The following IQCJ variants were observed in gnomAD, a reference collection of about 807,000 sequenced individuals.
IQCJ encodes IQ motif containing J.
In IQCJ, 9 loss-of-function variants were observed where a neutral mutation model predicts 11.0. That is an observed-to-expected ratio of 0.82 (90% CI 0.49 to 1.43). IQCJ has a LOEUF of 1.43. Among genes scored for constraint, IQCJ ranks in the 40% most tolerant of loss-of-function variants. IQCJ has a pLI of 0.00. For synonymous variants in IQCJ, 55 were observed against 51.3 expected, an observed-to-expected ratio of 1.07 and a Z score of -0.31; for missense variants, 146 against 133.2, an observed-to-expected ratio of 1.10 and a Z score of -0.47.
intron 1 of IQCJ, among the ~76,000 whole-genome samples, chr3:159,129,539 A>G (rs9852361): frequency 0.67 from 102,180 of 151,936 alleles, 34,530 homozygotes; most frequent in East Asian, 0.71. Flanking sequence ...AGCTCAAAAA[A>G]GCCAAATTTC....
intron 3 of IQCJ, among the ~76,000 whole-genome samples, chr3:159,258,191 T>A (rs1728001612): frequency 6.6e-6 from 1 of 152,182 alleles, no homozygotes. Context: ...AAGTGGCCAC[T>A]GCCAGCTCTA....
chr3:159,139,911 A>T lies in IQCJ; in HGVS notation c.9+70470A>T, dbSNP rs1022418344. Among the ~76,000 whole-genome samples the T allele has an allele frequency of 2.0e-5, 3 of 152,238 alleles. No individual in the cohort carries two copies. The East Asian group carries it at 5.8e-4, about 29-fold the overall frequency. ...AAATGTTCTACATTTAGCCGTGGAC[A>T]GGGCCAGGATCCAAACCCAGGTCTT... is the stretch of plus-strand genomic sequence containing the variant. On this transcript the variant is annotated intron_variant, in intron 1 of 3. Transcript: ENST00000397832.
At chr3:159,218,013 C>T (rs2108110027) in intron 1 of IQCJ, among the ~76,000 whole-genome samples, 1 of 135,284 alleles carries the variant, frequency 7.4e-6, no homozygotes, top group African/African-American at 2.9e-5. Flanking sequence ...GTAATAACAA[C>T]AATATATAAT....
chr3:159,264,397 C>T (rs1299138372), downstream of IQCJ, among the ~76,000 whole-genome samples: 1 of 152,186 alleles, frequency 6.6e-6, no homozygotes, highest in East Asian at 1.9e-4. Context: ...CACAGCTTCA[C>T]TAACAGTTCT....
At chr3:159,259,303 T>A (rs1252076333) in intron 3 of IQCJ, among the ~76,000 whole-genome samples, 1 of 152,222 alleles carries the variant, frequency 6.6e-6, no homozygotes, top group Non-Finnish European at 1.5e-5. Flanking sequence ...TGTCATCTGT[T>A]TAGAAGTAAA....
intron 1 of IQCJ, among the ~76,000 whole-genome samples, chr3:159,175,401 G>T (rs1722739241): frequency 6.6e-6 from 1 of 152,202 alleles, no homozygotes; most frequent in Non-Finnish European, 1.5e-5. Context: ...AGCCCAGGAA[G>T]TCAAGGCTGC....
At chr3:159,117,494 G>A (rs1719100153) in intron 1 of IQCJ, among the ~76,000 whole-genome samples, 4 of 152,140 alleles carry the variant, frequency 2.6e-5, no homozygotes, top group Admixed American at 1.3e-4. Flanking sequence ...AAAACGTTGA[G>A]TTCATTGTAT....
intron 1 of IQCJ, among the ~76,000 whole-genome samples, chr3:159,135,775 G>A (rs890620240): frequency 8.5e-5 from 13 of 152,190 alleles, no homozygotes; most frequent in African/African-American, 3.1e-4. Context: ...CCAGGAAGAA[G>A]GGGAAACTTA....
chr3:159,138,586 T>C (rs554917697), intron 1 of IQCJ, among the ~76,000 whole-genome samples: 1 of 152,352 alleles, frequency 6.6e-6, no homozygotes, highest in African/African-American at 2.4e-5. Context: ...AAACAGTGAA[T>C]CTTAAGTAAA....
intron 1 of IQCJ, among the ~76,000 whole-genome samples, chr3:159,201,018 G>C (rs1376801724): frequency 6.6e-6 from 1 of 151,542 alleles, no homozygotes; most frequent in Non-Finnish European, 1.5e-5. Flanking sequence ...CCTGGAAAGA[G>C]ACAAATATAA....
At chr3:159,080,630 AG>A (rs1716245835) in intron 1 of IQCJ, among the ~76,000 whole-genome samples, 1 of 152,182 alleles carries the variant, frequency 6.6e-6, no homozygotes, top group Non-Finnish European at 1.5e-5. Context: ...GCTATTTGAC[AG>A]GCCGTTTATT....
chr3:159,115,323 G>A (rs2108127985), intron 1 of IQCJ, among the ~76,000 whole-genome samples: 1 of 152,308 alleles, frequency 6.6e-6, no homozygotes, highest in African/African-American at 2.4e-5. Flanking sequence ...TGAAAAAGGT[G>A]AGAGAATGGA....
At chr3:159,195,042 C>T (rs1391428194) in intron 1 of IQCJ, among the ~76,000 whole-genome samples, 3 of 151,288 alleles carry the variant, frequency 2.0e-5, no homozygotes, top group South Asian at 2.1e-4. Flanking sequence ...ACCCGGGAGG[C>T]GGAGGTTGCA....
At chr3:159,240,043 T>A (rs566790142) in intron 1 of IQCJ, among the ~76,000 whole-genome samples, 9 of 152,096 alleles carry the variant, frequency 5.9e-5, no homozygotes, top group Non-Finnish European at 1.3e-4. Flanking sequence ...CTGTTACTTA[T>A]GTCATTGGAG....
At chr3:159,153,919 A>G (rs1004378281) in intron 1 of IQCJ, among the ~76,000 whole-genome samples, 1 of 152,216 alleles carries the variant, frequency 6.6e-6, no homozygotes, top group Non-Finnish European at 1.5e-5. Flanking sequence ...GACTGGTTCC[A>G]TGGTATAACT....
intron 1 of IQCJ, among the ~76,000 whole-genome samples, chr3:159,154,389 A>G (rs989149877): frequency 1.8e-4 from 28 of 152,336 alleles, no homozygotes; most frequent in Admixed American, 9.1e-4. Flanking sequence ...ATGCACATTG[A>G]TAAGTTTTTA....
At chr3:159,159,596 C>T (rs1362141917) in intron 1 of IQCJ, among the ~76,000 whole-genome samples, 1 of 152,094 alleles carries the variant, frequency 6.6e-6, no homozygotes, top group Non-Finnish European at 1.5e-5. Flanking sequence ...CCTTTGTAAA[C>T]CCATGTAATT....
intron 1 of IQCJ, among the ~76,000 whole-genome samples, chr3:159,159,568 T>TGGGG (rs1721717806): frequency 6.6e-6 from 1 of 152,198 alleles, no homozygotes; most frequent in Non-Finnish European, 1.5e-5. Flanking sequence ...AATAACTATA[T>TGGGG]TCCATTCTTA....
intron 1 of IQCJ, among the ~76,000 whole-genome samples, chr3:159,081,299 G>A (rs757206595): frequency 5.3e-5 from 8 of 151,960 alleles, no homozygotes; most frequent in African/African-American, 9.7e-5. Flanking sequence ...TCTCTCTGGC[G>A]CCTCATTGCC....
Sources: gnomAD v4.1 joint callset for allele counts (sites outside exome capture counted in the v4.1 genomes callset) on GRCh38, gnomAD v4.1.1 for gene constraint, MANE v1.5 for transcripts, NCBI Gene and HGNC (gene_info 2026-07-23, HGNC 2026-07-21) for gene names.